PACRG: variants seen among roughly 807,000 people sequenced by gnomAD.
The protein encoded by PACRG is parkin coregulated, also known as parkin coregulated gene protein.
In PACRG, 29 loss-of-function variants were observed where a neutral mutation model predicts 29.7. The ratio of observed to expected loss-of-function variants is 0.98; its 90% confidence interval spans 0.73 to 1.33. The LOEUF (loss-of-function observed/expected upper bound fraction) is 1.33, where lower values mean the gene tolerates loss of function less well. Among genes scored for constraint, PACRG ranks in the 40% most tolerant of loss-of-function variants. The probability of loss-of-function intolerance (pLI) is 0.00; values close to 1 mark genes in which losing one functional copy is unlikely to be tolerated. For missense variants in PACRG, 279 were observed against 316.2 expected (o/e 0.88, Z 0.89); for synonymous variants, 116 against 118.7 (o/e 0.98, Z 0.15).
At chr6:163,145,055 G>C (rs1386805017) in intron 4 of PACRG, among the ~76,000 whole-genome samples, 1 of 152,164 alleles carries the variant, frequency 6.6e-6, no homozygotes, top group East Asian at 1.9e-4. Flanking sequence ...CTACATCTCA[G>C]TGAGTTCTGG....
At chr6:163,301,860 C>A (rs1425838150) in intron 4 of PACRG, among the ~76,000 whole-genome samples, 1 of 152,186 alleles carries the variant, frequency 6.6e-6, no homozygotes, top group African/African-American at 2.4e-5. Context: ...CCTGTCCTTA[C>A]AGATGGATAT....
intron 2 of PACRG, among the ~76,000 whole-genome samples, chr6:162,940,951 G>A (rs568942502): frequency 6.6e-6 from 1 of 152,138 alleles, no homozygotes; most frequent in Non-Finnish European, 1.5e-5. Flanking sequence ...GTGGAAAAAT[G>A]TACCAATCCT....
intron 4 of PACRG, among the ~76,000 whole-genome samples, chr6:163,129,890 A>G (rs966548398): frequency 2.0e-5 from 3 of 152,374 alleles, no homozygotes; most frequent in African/African-American, 4.8e-5. Flanking sequence ...GCAAATTATA[A>G]GAGCTTATTT....
chr6:162,928,335 G>A (rs1300943763), intron 2 of PACRG, among the ~76,000 whole-genome samples: 3 of 151,748 alleles, frequency 2.0e-5, no homozygotes, highest in African/African-American at 7.3e-5. Flanking sequence ...ATGATCCTTT[G>A]TATTTCTGTG....
At chr6:163,291,493 GGCCAGAGAC>G (rs1177615878) in intron 4 of PACRG, among the ~76,000 whole-genome samples, 1 of 152,226 alleles carries the variant, frequency 6.6e-6, no homozygotes, top group African/African-American at 2.4e-5. Flanking sequence ...CAGCCCACGG[GGCCAGAGAC>G]CCGGATGCAA....
rs190989145 is a variant in PACRG at position 163,089,914 on chromosome 6, T to G, written c.613+506T>G. On this transcript the variant is annotated intron_variant, in intron 4 of 4. Transcript: ENST00000366888. ...GAAAACACAGATGAATTCATATGGC[T>G]CTATTTTACCCTAACAAAGATATTA... 2.4e-3 allele frequency among the ~76,000 whole-genome samples: 362 copies of G among 152,344 alleles called. 1 individual carries two copies. The highest frequency in any genetic ancestry group is 7.6e-3 in the African/African-American group (318 of 41,596).
intron 4 of PACRG, among the ~76,000 whole-genome samples, chr6:163,274,194 C>T (rs1783945494): frequency 6.6e-6 from 1 of 152,176 alleles, no homozygotes; most frequent in African/African-American, 2.4e-5. Flanking sequence ...CTCCACCCCC[C>T]AACAGGCCCT....
chr6:163,252,825 C>T (rs1334659215), intron 4 of PACRG, among the ~76,000 whole-genome samples: 1 of 152,176 alleles, frequency 6.6e-6, no homozygotes. Flanking sequence ...CTTGTGCAGT[C>T]GCTTACAACT....
At position 162,980,019 on chromosome 6, in the gene PACRG, G is replaced by C. The variant is rs190612587; in HGVS notation, c.292-82131G>C. ...AAAATTTATATTTAGAAAGAAGAAA[G>C]GCCTGCGAGTTTTAGAAAGATATGT... On this transcript the variant is annotated intron_variant, in intron 2 of 4. Transcript: ENST00000366888. Among the ~76,000 whole-genome samples, 1,389 of 152,078 alleles carry C rather than the reference G, an allele frequency of 9.1e-3. 12 individuals are homozygous for C. Among genetic ancestry groups the C allele is most frequent in the African/African-American group, 0.024 (994 of 41,478 alleles).
At chr6:163,280,052 C>T (rs1026844540) in intron 4 of PACRG, among the ~76,000 whole-genome samples, 9 of 152,196 alleles carry the variant, frequency 5.9e-5, no homozygotes, top group Non-Finnish European at 1.2e-4. Flanking sequence ...TGTTTTCGCT[C>T]GGGTCTGCTG....
intron 4 of PACRG, among the ~76,000 whole-genome samples, chr6:163,208,427 A>C (rs1585333609): frequency 6.6e-6 from 1 of 152,024 alleles, no homozygotes; most frequent in East Asian, 1.9e-4. Flanking sequence ...TTTAAAAAAA[A>C]AAGATTGTCA....
intron 1 of PACRG, among the ~76,000 whole-genome samples, chr6:162,809,933 A>T (rs549768763): frequency 1.4e-4 from 22 of 152,148 alleles, no homozygotes; most frequent in Non-Finnish European, 3.1e-4. Context: ...CCTCACGAGG[A>T]GCTTGGGCTT....
chr6:163,007,349 C>A (rs1201018464), intron 2 of PACRG, among the ~76,000 whole-genome samples: 4 of 152,152 alleles, frequency 2.6e-5, no homozygotes, highest in East Asian at 3.9e-4. Context: ...ATATAGTTGA[C>A]ATTTCTGATG....
intron 4 of PACRG, among the ~76,000 whole-genome samples, chr6:163,230,720 T>G (rs1365072311): frequency 3.2e-5 from 2 of 62,700 alleles, no homozygotes; most frequent in African/African-American, 1.6e-4. Flanking sequence ...AAAACGTGGT[T>G]GAATAAACAA....
At chr6:163,311,548 G>A (rs2128193873) in intron 4 of PACRG, among the ~76,000 whole-genome samples, 1 of 152,302 alleles carries the variant, frequency 6.6e-6, no homozygotes, top group Non-Finnish European at 1.5e-5. Context: ...GGTTTGAAAT[G>A]GAGACCTCAT....
intron 2 of PACRG, among the ~76,000 whole-genome samples, chr6:163,050,513 T>G (rs1391091149): frequency 6.6e-6 from 1 of 152,188 alleles, no homozygotes; most frequent in Non-Finnish European, 1.5e-5. Flanking sequence ...ATTAGCTCTT[T>G]CATCTCATCT....
chr6:162,932,361 C>T (rs1606676), intron 2 of PACRG, among the ~76,000 whole-genome samples: 81,455 of 151,492 alleles, frequency 0.54, 22,448 homozygotes, highest in Middle Eastern at 0.7. Flanking sequence ...CAAAACTTAT[C>T]AAATTGTATA....
chr6:163,299,396 G>A (rs1237942985), intron 4 of PACRG, among the ~76,000 whole-genome samples: 2 of 152,162 alleles, frequency 1.3e-5, no homozygotes, highest in Non-Finnish European at 2.9e-5. Context: ...AGACGTGTCA[G>A]GAACCATCAG....
At chr6:163,171,487 G>A (rs1212274947) in intron 4 of PACRG, among the ~76,000 whole-genome samples, 1 of 152,204 alleles carries the variant, frequency 6.6e-6, no homozygotes, top group African/African-American at 2.4e-5. Context: ...CTGAAGCTCA[G>A]AGCGGTTAAG....
Sources: gnomAD v4.1 joint callset for allele counts (sites outside exome capture counted in the v4.1 genomes callset) on GRCh38, gnomAD v4.1.1 for gene constraint, MANE v1.5 for transcripts, NCBI Gene and HGNC (gene_info 2026-07-23, HGNC 2026-07-21) for gene names.